Variants in TRIM54 observed in about 807,000 individuals in gnomAD.
TRIM54 encodes the protein tripartite motif containing 54, also known as tripartite motif-containing protein 54.
TRIM54 carries 40 observed loss-of-function variants against 42.0 expected under a neutral mutation model. The observed-to-expected ratio is 0.95, with a 90% CI of 0.74 to 1.24. TRIM54 has a LOEUF of 1.24. Among genes scored for constraint, TRIM54 ranks in the 50% most tolerant of loss-of-function variants. The pLI, the probability that TRIM54 is intolerant of heterozygous loss-of-function variation, is 0.00. For synonymous variants in TRIM54, 199 were observed against 194.9 expected (o/e 1.02, Z -0.17); for missense variants, 485 against 480.3 (o/e 1.01, Z -0.09).
chr2:27,285,519 T>C (rs1179493695), intron 1 of TRIM54, among the ~76,000 whole-genome samples: 2 of 152,148 alleles, frequency 1.3e-5, no homozygotes, highest in Non-Finnish European at 2.9e-5. Flanking sequence ...GAAAAGCAAA[T>C]CTGCTATTCA....
intron 3 of TRIM54, among the ~76,000 whole-genome samples, chr2:27,300,082 C>T (rs966638591): frequency 2.6e-5 from 4 of 151,490 alleles, no homozygotes; most frequent in Non-Finnish European, 5.9e-5. Flanking sequence ...CTCAAGTGAT[C>T]CCTACCACCT....
chr2:27,289,162 T>G (rs758388199), intron 1 of TRIM54, among the ~76,000 whole-genome samples: 10 of 152,136 alleles, frequency 6.6e-5, no homozygotes, highest in South Asian at 2.1e-4. Flanking sequence ...GAGTAATTTT[T>G]TGTGTGTGCC....
intron 1 of TRIM54, among the ~76,000 whole-genome samples, chr2:27,286,164 T>C (rs4665376): frequency 0.42 from 63,957 of 151,528 alleles, 18,006 homozygotes; most frequent in African/African-American, 0.79. Flanking sequence ...TTTTGCATAT[T>C]ATTTTTTTTT....
intron 1 of TRIM54, among the ~76,000 whole-genome samples, chr2:27,283,417 G>A (rs1170125157): frequency 6.6e-6 from 1 of 152,102 alleles, no homozygotes; most frequent in African/African-American, 2.4e-5. Flanking sequence ...TAGACATAGT[G>A]GGCAGGAGAC....
chr2:27,300,024 A>G (rs959367766), intron 3 of TRIM54, among the ~76,000 whole-genome samples: 1 of 151,140 alleles, frequency 6.6e-6, no homozygotes, highest in Non-Finnish European at 1.5e-5. Flanking sequence ...GCAGGCTGGA[A>G]TGCACTGGTA....
intron 3 of TRIM54, among the ~76,000 whole-genome samples, chr2:27,304,269 T>C (rs1679120662): frequency 1.4e-5 from 2 of 143,154 alleles, no homozygotes; most frequent in South Asian, 2.3e-4. Context: ...CAGATATATA[T>C]ATATATATAG....
chr2:27,292,744 A>G (rs962965965), intron 1 of TRIM54, among the ~76,000 whole-genome samples: 2 of 152,172 alleles, frequency 1.3e-5, no homozygotes, highest in Admixed American at 1.3e-4. Context: ...GCAACTGGCA[A>G]CCACCATCCA....
intron 3 of TRIM54, among the ~76,000 whole-genome samples, chr2:27,303,109 C>G (rs1482627713): frequency 6.6e-6 from 1 of 151,746 alleles, no homozygotes; most frequent in Admixed American, 6.6e-5. Flanking sequence ...TGGGGAGGGG[C>G]GAAGAGAAAA....
chr2:27,298,881 C>T, intron 2 of TRIM54, 142 bp downstream of exon 2: 1 of 934,272 alleles, frequency 1.1e-6, no homozygotes, highest in Non-Finnish European at 1.6e-6. Flanking sequence ...CGGAGAGGGA[C>T]TTGCCTCAGG....
At chr2:27,295,624 G>A (rs1414001795) in intron 1 of TRIM54, among the ~76,000 whole-genome samples, 1 of 152,184 alleles carries the variant, frequency 6.6e-6, no homozygotes, top group African/African-American at 2.4e-5. Context: ...TTTGTTGAAT[G>A]TTAAGTAATG....
chr2:27,299,213 A>G lies in TRIM54; in HGVS notation c.342-32A>G, dbSNP rs371961981. 12 of 1,610,700 alleles carry G rather than the reference A, an allele frequency of 7.5e-6. No homozygotes were observed. The African/African-American group carries it at 1.5e-4, about 20-fold the overall frequency. On this transcript the variant is annotated intron_variant, in intron 2 of 8. Transcript: ENST00000380075. ...GTATTCCTAGGACCCTTCATGCTTA[A>G]GGTCCACCTCCCCCTGCCCACTCCT... is the stretch of plus-strand genomic sequence containing the variant.
Position 27,306,161 on chromosome 2 carries a change from G to A in TRIM54, c.867-52G>A. ...GCTGCACTGCTCCACTGGCTGGGGT[G>A]GGGCTTGAGAGTGCTGGGGCATTGC... is the stretch of plus-strand genomic sequence containing the variant. On this transcript the variant is annotated intron_variant, in intron 6 of 8. Coordinates refer to ENST00000380075, the MANE Select transcript of TRIM54 (RefSeq NM_187841.3). This position sits in a 1 kb window ranked among gnomAD's most constrained non-coding sequence, Gnocchi z 6.1. 1.2e-6 allele frequency: 2 copies of A among 1,613,974 alleles called. No individual in the cohort carries two copies. The highest frequency in any genetic ancestry group is 1.3e-5 in the African/African-American group (1 of 75,060).
chr2:27,292,192 C>T (rs1258489928), intron 1 of TRIM54, among the ~76,000 whole-genome samples: 1 of 152,172 alleles, frequency 6.6e-6, no homozygotes, highest in Non-Finnish European at 1.5e-5. Flanking sequence ...TCCCTCAGGT[C>T]AAGTCCTGAA....
intron 3 of TRIM54, among the ~76,000 whole-genome samples, chr2:27,302,196 A>T (rs1340187604): frequency 6.6e-6 from 1 of 152,050 alleles, no homozygotes; most frequent in Non-Finnish European, 1.5e-5. Flanking sequence ...CACGCCTGTA[A>T]TCCCAGTACT....
intron 1 of TRIM54, among the ~76,000 whole-genome samples, chr2:27,296,752 C>T (rs1182315711): frequency 6.6e-6 from 1 of 152,066 alleles, no homozygotes; most frequent in Non-Finnish European, 1.5e-5. Flanking sequence ...GGCTTAGATT[C>T]ATGGGTTTTT....
intron 3 of TRIM54, among the ~76,000 whole-genome samples, chr2:27,301,569 G>A (rs527303807): frequency 7.2e-5 from 11 of 152,316 alleles, no homozygotes; most frequent in African/African-American, 2.6e-4. Context: ...CTGTCATGGA[G>A]CTAATGGGAG....
Position 27,305,005 on chromosome 2 carries a change from G to C in TRIM54, c.560G>C (p.Arg187Pro), listed in dbSNP as rs369278043. Residue 187 changes from arginine (R) to proline (P), a missense_variant, in exon 4 of 9, where the codon CGC becomes CCC. Transcript: ENST00000380075. Reference protein sequence around the residue: ...GIAMLVAGNDRVQAVITQMEE... With the variant: ...GIAMLVAGNDPVQAVITQMEE... ...GCGATGCTGGTGGCAGGCAATGACC[G>C]CGTGCAAGCAGTGATCACACAGATG... 18 of 1,614,020 alleles carry C rather than the reference G, an allele frequency of 1.1e-5. No homozygotes were observed. The highest frequency in any genetic ancestry group is 1.4e-5 in the Non-Finnish European group (17 of 1,180,018).
At chr2:27,303,405 G>C (rs968469903) in intron 3 of TRIM54, among the ~76,000 whole-genome samples, 6 of 152,046 alleles carry the variant, frequency 3.9e-5, no homozygotes, top group African/African-American at 1.4e-4. Context: ...CAAAAAATTA[G>C]CCGGGCGTGG....
Position 27,306,808 on chromosome 2 carries a change from G to A in TRIM54, c.*2-79G>A. The A allele has an allele frequency of 1.9e-6, 1 of 532,746 alleles. No homozygotes were observed. Among genetic ancestry groups the A allele is most frequent in the Non-Finnish European group, 3.3e-6 (1 of 302,150 alleles). 33.0% of individuals were successfully genotyped at this position (532,746 alleles called of 1,614,324 possible). A position where few individuals can be genotyped will look rare whatever the true frequency, so the allele number is the denominator to read the frequency against. ...TGAGTAGAGGAGAAACCCACGTGGC[G>A]GGGGACGGAGTGAGCGGGGCTCGAG... On this transcript the variant is annotated intron_variant, in intron 8 of 8. Transcript: ENST00000380075. The surrounding 1 kb of genome is among the most constrained non-coding windows in gnomAD (Gnocchi z 6.1).
Sources: gnomAD v4.1 joint callset for allele counts (sites outside exome capture counted in the v4.1 genomes callset) on GRCh38, gnomAD v4.1.1 for gene constraint, Gnocchi (gnomAD v3.1) non-coding constraint, MANE v1.5 for transcripts, NCBI Gene and HGNC (gene_info 2026-07-23, HGNC 2026-07-21) for gene names.